Variants in NTRK1 observed in about 807,000 individuals in gnomAD.
The protein encoded by NTRK1 is high affinity nerve growth factor receptor.
A neutral mutation model predicts 86.8 loss-of-function variants in NTRK1; 62 were observed. The ratio of observed to expected loss-of-function variants is 0.71; its 90% CI spans 0.58 to 0.88. NTRK1 has a LOEUF of 0.88. Among genes scored for constraint, NTRK1 ranks in the 40% least tolerant of loss-of-function variants. NTRK1 has a pLI of 0.00. For synonymous variants in NTRK1, 469 were observed against 456.6 expected (o/e 1.03, Z -0.35); for missense variants, 967 against 1,078.4 (o/e 0.90, Z 1.45).
chr1:156,881,517 G>T lies in NTRK1; in HGVS notation c.2266G>T (p.Val756Phe), dbSNP rs866661448. ...LERPRACPPE[V>F]YAIMRGCWQR... ...GCGGCCACGTGCCTGCCCACCAGAG[G>T]TCTACGCCATCATGCGGGGCTGCTG... Residue 756 changes from valine (V) to phenylalanine (F), a missense_variant, in exon 17 of 17, where the codon GTC becomes TTC. Val to Phe is a conservative substitution (Grantham distance 50). Coordinates refer to ENST00000524377, the MANE Select transcript of NTRK1 (RefSeq NM_002529.4). 7 of 1,599,776 alleles carry T rather than the reference G, an allele frequency of 4.4e-6. No individual in the cohort carries two copies. The highest frequency in any genetic ancestry group is 6.0e-6 in the Non-Finnish European group (7 of 1,173,650).
At position 156,846,669 on chromosome 1, in the gene NTRK1, G is replaced by A. The variant is rs56068937; in HGVS notation, c.50+4476G>A. 2.0e-3 allele frequency: 3,173 copies of A among 1,614,180 alleles called. 3 individuals carry two copies. The highest frequency in any genetic ancestry group is 2.3e-3 in the Non-Finnish European group (2,715 of 1,180,034). ...AGGGTCACCCCTGGCTCCTGGGTGC[G>A]GCTTAGGGGCAGCTCCACATCCAGC... On this transcript the variant is annotated intron_variant, in intron 2 of 16. Coordinates refer to the NTRK1 transcript ENST00000392302.
rs547972574 is a variant in NTRK1, at chr1:156,871,747, A to C, written c.842A>C (p.Asn281Thr). 1.9e-6 allele frequency: 3 copies of C among 1,614,170 alleles called. No individual in the cohort carries two copies. The South Asian group carries it at 3.3e-5, about 18-fold the overall frequency. The part of the protein sequence containing the change: ...VGRAEVSVQV[N>T]VSFPASVQLH... The stretch of plus-strand genomic sequence containing the variant: ...CGGGCAGAGGTCTCTGTTCAGGTCA[A>C]CGTCTCCTGTGAGTCTCAGTGGCAG... The change falls in exon 7 of 17, where the codon AAC (asparagine) becomes ACC (threonine). Residue 281 changes from asparagine to threonine, a missense_variant. Around this residue, in one of 2 missense-constraint regions of NTRK1, gnomAD observed 637 missense variants for 776.5 expected, o/e 0.82. Transcript: ENST00000524377.
intron 1 of NTRK1, chr1:156,816,741 G>T (rs543669621): frequency 8.9e-6 from 14 of 1,564,610 alleles, no homozygotes; most frequent in Non-Finnish European, 1.1e-5. Context: ...CCAGAGCAGG[G>T]TGTGTGTATG....
At chr1:156,841,458 G>T (rs1479938520) in intron 1 of NTRK1, 6 of 1,613,892 alleles carry the variant, frequency 3.7e-6, no homozygotes, top group Admixed American at 1.7e-5. Context: ...TTCAGCACCT[G>T]CTCATTGGAC....
At chr1:156,843,143 C>T (rs756630565) in intron 2 of NTRK1, 4 of 1,613,972 alleles carry the variant, frequency 2.5e-6, no homozygotes, top group Non-Finnish European at 3.4e-6. Flanking sequence ...TCGTGCCAGC[C>T]CCTCATATAC....
chr1:156,816,842 T>C, intron 1 of NTRK1: 1 of 794,368 alleles, frequency 1.3e-6, no homozygotes, highest in Admixed American at 3.6e-5. Flanking sequence ...CCCACAGCCT[T>C]AGTTCTGGCG....
At chr1:156,875,928 C>A in intron 12 of NTRK1, 152 bp from the exon 13 acceptor site, 1 of 1,254,806 alleles carries the variant, frequency 8.0e-7, no homozygotes, top group Non-Finnish European at 1.2e-6. Flanking sequence ...TGACATGGGG[C>A]TTGCTGAAGG....
intron 1 of NTRK1, chr1:156,841,633 C>T (rs1204175957): frequency 6.2e-7 from 1 of 1,611,160 alleles, no homozygotes. Flanking sequence ...GCCTCCACAT[C>T]CCTGGAGCCC....
intron 1 of NTRK1, among the ~76,000 whole-genome samples, chr1:156,819,480 C>T (rs1321229723): frequency 6.6e-6 from 1 of 151,180 alleles, no homozygotes. Flanking sequence ...ATGTCCTTTG[C>T]TCACTTTTTG....
intron 14 of NTRK1, 144 bp downstream of exon 14, chr1:156,876,716 C>T (rs966887771): frequency 4.9e-6 from 5 of 1,019,458 alleles, no homozygotes; most frequent in Non-Finnish European, 7.3e-6. Context: ...CCCCAGGGAG[C>T]TCTGAGATGG....
Position 156,825,038 on chromosome 1 carries a change from C to T in NTRK1, c.-64+9200C>T, listed in dbSNP as rs558009890. ...CCAAGTAGCTGGGATTACAGGCATGCGCCACCACGCCCGGCTAATTTTGTA... is the reference window on the plus strand; with the variant it reads ...CCAAGTAGCTGGGATTACAGGCATGTGCCACCACGCCCGGCTAATTTTGTA... On this transcript the variant is annotated intron_variant, in intron 1 of 16. Coordinates refer to the NTRK1 transcript ENST00000392302. Among the ~76,000 whole-genome samples, 41 of 152,190 alleles carry T rather than the reference C, an allele frequency of 2.7e-4. 1 individual carries two copies. In the South Asian group the frequency reaches 7.3e-3, roughly 27 times the overall value.
At chr1:156,851,294 C>G (rs756740253) in intron 2 of NTRK1, 1 of 1,614,144 alleles carries the variant, frequency 6.2e-7, no homozygotes, top group Non-Finnish European at 8.5e-7. Flanking sequence ...CCTTACCCAT[C>G]CACCATGGCG....
intron 1 of NTRK1, among the ~76,000 whole-genome samples, chr1:156,863,080 G>A (rs1052017463): frequency 2.7e-5 from 4 of 145,540 alleles, no homozygotes; most frequent in Non-Finnish European, 6.0e-5. Context: ...TTGTTGGGGT[G>A]GGGGGGGCAC....
chr1:156,875,076 CT>C, intron 11 of NTRK1, 68 bp downstream of exon 11: 1 of 1,159,802 alleles, frequency 8.6e-7, no homozygotes, highest in Non-Finnish European at 1.3e-6. Context: ...CTGGCTCTTC[CT>C]GACTCTGTCT....
At chr1:156,852,111 G>C in intron 2 of NTRK1, 1 of 1,613,666 alleles carries the variant, frequency 6.2e-7, no homozygotes, top group South Asian at 1.1e-5. Flanking sequence ...GGGTCTTCTG[G>C]CTGGCTGCAG....
chr1:156,858,411 G>A (rs1038423623), upstream of NTRK1: 14 of 742,276 alleles, frequency 1.9e-5, no homozygotes, highest in African/African-American at 5.2e-5. Flanking sequence ...TCTCCTGAGC[G>A]CTAACCCCAA....
chr1:156,868,275 G>A (rs760180023), intron 5 of NTRK1, 26 bp downstream of exon 5: 17 of 1,603,376 alleles, frequency 1.1e-5, no homozygotes, highest in Non-Finnish European at 1.4e-5. Context: ...GGGAGGTGGT[G>A]TAAGGGGGCT....
chr1:156,847,472 T>C (rs1571664116), intron 2 of NTRK1, among the ~76,000 whole-genome samples: 2 of 152,024 alleles, frequency 1.3e-5, no homozygotes, highest in Non-Finnish European at 1.5e-5. Context: ...GAACAGACCA[T>C]GGGAGACAAT....
rs190349736 is a variant in NTRK1 at position 156,868,461 on chromosome 1, C to T, written c.575-44C>T. The stretch of plus-strand genomic sequence containing the variant: ...CCGCAGTAGAGTTCTGGGGCCACTC[C>T]CAGCTCTAACACCCCTTGGCCCTCG... On this transcript the variant is annotated intron_variant, in intron 5 of 16. Transcript: ENST00000524377. 1,784 of 1,551,048 alleles carry T rather than the reference C, an allele frequency of 1.2e-3. 2 individuals carry two copies. Among genetic ancestry groups the T allele is most frequent in the Non-Finnish European group, 1.4e-3 (1,627 of 1,147,626 alleles).
Sources: gnomAD v4.1 joint callset for allele counts (sites outside exome capture counted in the v4.1 genomes callset) on GRCh38, gnomAD v4.1.1 for gene constraint, gnomAD v4.1.1 regional missense constraint, MANE v1.5 for transcripts, NCBI Gene and HGNC (gene_info 2026-07-23, HGNC 2026-07-21) for gene names.